Variants in ATF5 observed in about 807,000 individuals in gnomAD.
ATF5 encodes cyclic AMP-dependent transcription factor ATF-5.
Under a neutral mutation model 4.6 loss-of-function variants are expected in ATF5, and 6 were observed. That is an observed-to-expected ratio of 1.31 (90% confidence interval 0.72 to 2.59). The LOEUF (loss-of-function observed/expected upper bound fraction) is 2.59, where lower values mean the gene tolerates loss of function less well. ATF5 is among the 30% of genes most tolerant of loss of function. The probability of loss-of-function intolerance (pLI) is 0.00; values close to 1 mark genes in which losing one functional copy is unlikely to be tolerated. For missense variants in ATF5, 410 were observed against 368.7 expected (o/e 1.11, Z -0.92); for synonymous variants, 193 against 165.0 (o/e 1.17, Z -1.30).
rs141235467 is a variant in ATF5 at position 49,933,050 on chromosome 19, C to T, written c.807C>T (p.Ile269=). 154 of 1,605,722 alleles carry T rather than the reference C, an allele frequency of 9.6e-5. No individual in the cohort carries two copies. Among genetic ancestry groups the T allele is most frequent in the Non-Finnish European group, 1.2e-4 (141 of 1,173,498 alleles). ...TCCAGTACGTCAAGGACCTGCTCAT[C>T]GAGGTTTACAAGGCCCGGAGCCAGA... ...REIQYVKDLL[I]EVYKARSQRT... The change falls in exon 3 of 3, where the codon ATC becomes ATT. Residue 269 remains isoleucine (I), a synonymous_variant. Transcript: ENST00000423777.
At position 49,932,492 on chromosome 19, in the gene ATF5, A is replaced by AACCCCCCGC; in HGVS notation, c.249_250insACCCCCCGC (p.Leu83_Pro84insThrProArg). On this transcript the variant is annotated inframe_insertion, in exon 3 of 3. Coordinates refer to ENST00000423777, the MANE Select transcript of ATF5 (RefSeq NM_001193646.2). The stretch of plus-strand genomic sequence containing the variant: ...CTCTCCTCCCTCTGGAGCCTCCCTT[A>AACCCCCCGC]CCCCCCGGCACCCTCCCCCAACCTT... 1 of 1,486,506 alleles carries AACCCCCCGC rather than the reference A, an allele frequency of 6.7e-7. No homozygotes were observed. The highest frequency in any genetic ancestry group is 9.2e-7 in the Non-Finnish European group (1 of 1,092,142). The allele number at this position is 1,486,506 out of a possible 1,614,324, so 92.1% of individuals were successfully genotyped here. A position where few individuals can be genotyped will look rare whatever the true frequency, so the allele number is the denominator to read the frequency against.
chr19:49,933,413 C>T lies in ATF5; in HGVS notation c.*321C>T, dbSNP rs779564256. 1.9e-5 allele frequency: 5 copies of T among 257,768 alleles called. No homozygotes were observed. Among genetic ancestry groups the T allele is most frequent in the Non-Finnish European group, 7.3e-6 (1 of 136,764 alleles). The allele number at this position is 257,768 out of a possible 1,614,324, so 16.0% of individuals were successfully genotyped here. A position where few individuals can be genotyped will look rare whatever the true frequency, so the allele number is the denominator to read the frequency against. On this transcript the variant is annotated 3_prime_UTR_variant, in exon 3 of 3. Coordinates refer to ENST00000423777, the MANE Select transcript of ATF5 (RefSeq NM_001193646.2). ...CTCTTGCGTATTTCTGGATCTCCTTCCCTCCTTTCTCGTCCAAATCATGAA... is the reference window on the plus strand; with the variant it reads ...CTCTTGCGTATTTCTGGATCTCCTTTCCTCCTTTCTCGTCCAAATCATGAA...
In ATF5 at chr19:49,933,332, A is replaced by C; in HGVS notation, c.*240A>C. 7.1e-6 allele frequency: 3 copies of C among 424,566 alleles called. No individual in the cohort carries two copies. Among genetic ancestry groups the C allele is most frequent in the Non-Finnish European group, 4.2e-6 (1 of 240,306 alleles). The allele number at this position is 424,566 out of a possible 1,614,324, so 26.3% of individuals were successfully genotyped here. A position where few individuals can be genotyped will look rare whatever the true frequency, so the allele number is the denominator to read the frequency against. ...AAAATCAACCCTTCTTCCCCACCAA[A>C]CCACCCAACTCCTCTCTACTCTTAT... is the stretch of plus-strand genomic sequence containing the variant. On this transcript the variant is annotated 3_prime_UTR_variant, in exon 3 of 3. Transcript: ENST00000423777.
chr19:49,932,290 G>A, intron 2 of ATF5, 132 bp from the exon 3 acceptor site: 3 of 845,096 alleles, frequency 3.5e-6, no homozygotes, highest in Non-Finnish European at 6.0e-6. Flanking sequence ...TGACTGGTTT[G>A]ATGATTCAGT....
In ATF5 at chr19:49,932,581, A is replaced by T; in HGVS notation, c.338A>T (p.Glu113Val). 6.7e-7 allele frequency: 1 copy of T among 1,497,044 alleles called. No individual in the cohort carries two copies. The highest frequency in any genetic ancestry group is 9.0e-7 in the Non-Finnish European group (1 of 1,115,436). 92.7% of individuals were successfully genotyped at this position (1,497,044 alleles called of 1,614,324 possible). A position where few individuals can be genotyped will look rare whatever the true frequency, so the allele number is the denominator to read the frequency against. ...CTCAAGAAGGAGCTGGAACAGATGG[A>T]AGACTTCTTCCTAGATGCCCCGCCC... Reference protein sequence around the residue: ...SLLKKELEQMEDFFLDAPPLP... With the variant: ...SLLKKELEQMVDFFLDAPPLP... The change falls in exon 3 of 3, where the codon GAA (glutamate) becomes GTA (valine). Residue 113 changes from glutamate to valine, a missense_variant. Coordinates refer to ENST00000423777, the MANE Select transcript of ATF5 (RefSeq NM_001193646.2).
chr19:49,932,925 C>T lies in ATF5; in HGVS notation c.682C>T (p.Arg228Trp), dbSNP rs764616254. ...GTCGGCGGCTCTGAGGTACCGCCAG[C>T]GGAAGCGGGCAGAGGGTGAGGCCCT... ...NKSAALRYRQRKRAEGEALEG... is the reference protein window; with the variant it reads ...NKSAALRYRQWKRAEGEALEG... Residue 228 changes from arginine (R) to tryptophan (W), a missense_variant, in exon 3 of 3, where the codon CGG becomes TGG. By Grantham distance (101) the Arg-to-Trp change is moderately radical. Transcript: ENST00000423777. The T allele has an allele frequency of 2.5e-5, 40 of 1,613,816 alleles. No individual in the cohort carries two copies. The highest frequency in any genetic ancestry group is 3.1e-5 in the Non-Finnish European group (37 of 1,179,852).
In ATF5 at chr19:49,932,899, A is replaced by C; in HGVS notation, c.656A>C (p.Lys219Thr). The C allele has an allele frequency of 6.2e-7, 1 of 1,613,708 alleles. No homozygotes were observed. The change falls in exon 3 of 3, where the codon AAG becomes ACG. Residue 219 changes from lysine (K) to threonine (T), a missense_variant. Lys to Thr is a moderately conservative substitution (Grantham distance 78). Transcript: ENST00000423777. Reference sequence around the variant, plus strand: ...AAGCAAAAGAAGAGAGACCAGAACAAGTCGGCGGCTCTGAGGTACCGCCAG... The same window carrying C: ...AAGCAAAAGAAGAGAGACCAGAACACGTCGGCGGCTCTGAGGTACCGCCAG... ...DRKQKKRDQNKSAALRYRQRK... is the reference protein window; with the variant it reads ...DRKQKKRDQNTSAALRYRQRK...
At chr19:49,931,595 C>T (rs1191712118) in intron 2 of ATF5, among the ~76,000 whole-genome samples, 1 of 151,780 alleles carries the variant, frequency 6.6e-6, no homozygotes, top group Non-Finnish European at 1.5e-5. Context: ...TGCAGTGAGC[C>T]AAGATGATGC....
rs776573784 is a variant in ATF5 at position 49,932,966 on chromosome 19, G to A, written c.723G>A (p.Gln241=). Residue 241 remains glutamine, a synonymous_variant, in exon 3 of 3, where the codon CAG becomes CAA. Transcript: ENST00000423777. ...GTGAGGCCCTGGAGGGCGAGTGCCA[G>A]GGGCTGGAGGCACGGAATCGCGAGC... ...AEGEALEGEC[Q]GLEARNRELK... is the part of the protein sequence containing the mutation. 5 of 1,614,078 alleles carry A rather than the reference G, an allele frequency of 3.1e-6. No homozygotes were observed. In the Admixed American group the frequency reaches 6.7e-5, roughly 22 times the overall value.
Position 49,933,024 on chromosome 19 carries a change from A to T in ATF5, c.781A>T (p.Ile261Phe), listed in dbSNP as rs770362423. The T allele has an allele frequency of 1.2e-6, 2 of 1,613,614 alleles. No individual in the cohort carries two copies. The highest frequency in any genetic ancestry group is 2.2e-5 in the South Asian group (2 of 91,034). ...KERAESVERE[I>F]QYVKDLLIEV... is the part of the protein sequence containing the mutation. ...ACGGGCAGAGTCCGTGGAGCGCGAG[A>T]TCCAGTACGTCAAGGACCTGCTCAT... is the stretch of plus-strand genomic sequence containing the variant. Residue 261 changes from isoleucine to phenylalanine, a missense_variant, in exon 3 of 3, where the codon ATC (isoleucine) becomes TTC (phenylalanine). Coordinates refer to ENST00000423777, the MANE Select transcript of ATF5 (RefSeq NM_001193646.2).
Position 49,933,891 on chromosome 19 carries a change from T to C in ATF5, c.*799T>C, listed in dbSNP as rs2076091007. The C allele has an allele frequency of 6.5e-6, 1 of 152,730 alleles. No homozygotes were observed. The highest frequency in any genetic ancestry group is 1.5e-5 in the Non-Finnish European group (1 of 68,046). The allele number at this position is 152,730 out of a possible 1,614,324, so 9.5% of individuals were successfully genotyped here. On this transcript the variant is annotated 3_prime_UTR_variant, in exon 3 of 3. Transcript: ENST00000423777. Reference sequence around the variant, plus strand: ...GTGAGGGATGGCGGGGTACTGATTTTTTTGGGAGGTTATGAGCAAAAATAA... The same window carrying C: ...GTGAGGGATGGCGGGGTACTGATTTCTTTGGGAGGTTATGAGCAAAAATAA...
chr19:49,929,049 G>A (rs964617085), upstream of ATF5: 21 of 152,402 alleles, frequency 1.4e-4, no homozygotes, highest in African/African-American at 4.6e-4. Context: ...CGGACCCTAG[G>A]AGTGGGAAGG....
At chr19:49,931,751 A>T (rs1441891906) in intron 2 of ATF5, among the ~76,000 whole-genome samples, 1 of 152,098 alleles carries the variant, frequency 6.6e-6, no homozygotes, top group East Asian at 1.9e-4. Context: ...GGCAGGAATC[A>T]TTTCATTCAT....
chr19:49,932,680 C>A lies in ATF5; in HGVS notation c.437C>A (p.Pro146His), dbSNP rs1180032883. 6.4e-7 allele frequency: 1 copy of A among 1,573,470 alleles called. No individual in the cohort carries two copies. Among genetic ancestry groups the A allele is most frequent in the Non-Finnish European group, 8.6e-7 (1 of 1,158,392 alleles). ...GCCCCCTCCCTCCCCCTGTCCCTCC[C>A]CTCCTTTGACCTCCCCCAGCCCCCT... is the stretch of plus-strand genomic sequence containing the variant. The part of the protein sequence containing the change: ...PPAPSLPLSL[P>H]SFDLPQPPVL... The change falls in exon 3 of 3, where the codon CCC becomes CAC. Residue 146 changes from proline (P) to histidine (H), a missense_variant. Pro to His is a moderately conservative substitution (Grantham distance 77). Transcript: ENST00000423777.
chr19:49,932,870 C>G lies in ATF5; in HGVS notation c.627C>G (p.Asp209Glu), dbSNP rs771845805. The G allele has an allele frequency of 6.2e-7, 1 of 1,613,106 alleles. No homozygotes were observed. The highest frequency in any genetic ancestry group is 8.5e-7 in the Non-Finnish European group (1 of 1,179,648). Residue 209 changes from aspartate to glutamate, a missense_variant, in exon 3 of 3, where the codon GAC (aspartate) becomes GAG (glutamate). Transcript: ENST00000423777. The stretch of plus-strand genomic sequence containing the variant: ...CACATCCTGCCACCACCCGAGGGGA[C>G]CGCAAGCAAAAGAAGAGAGACCAGA... ...PYPHPATTRGDRKQKKRDQNK... is the reference protein window; with the variant it reads ...PYPHPATTRGERKQKKRDQNK...
In ATF5 at chr19:49,932,606, C is replaced by CCGA; in HGVS notation, c.364_365insGAC (p.Pro121_Leu122insArg). ...AAGACTTCTTCCTAGATGCCCCGCC[C>CCGA]CTCCCACCACCCTCCCCGCCGCCAC... On this transcript the variant is annotated inframe_insertion, in exon 3 of 3. Coordinates refer to ENST00000423777, the MANE Select transcript of ATF5 (RefSeq NM_001193646.2). 6.4e-7 allele frequency: 1 copy of CCGA among 1,555,984 alleles called. No homozygotes were observed. The highest frequency in any genetic ancestry group is 8.7e-7 in the Non-Finnish European group (1 of 1,149,404).
rs34877198 is a variant in ATF5 at position 49,932,741 on chromosome 19, C to T, written c.498C>T (p.Cys166=). The change falls in exon 3 of 3, where the codon TGC becomes TGT. Residue 166 remains cysteine (C), a synonymous_variant. Coordinates refer to ENST00000423777, the MANE Select transcript of ATF5 (RefSeq NM_001193646.2). ...LDTLDLLAIY[C]RNEAGQEEVG... ...CTCTGGACTTGCTGGCCATCTACTG[C>T]CGCAACGAGGCCGGGCAGGAGGAAG... 126,851 of 1,608,706 alleles carry T rather than the reference C, an allele frequency of 0.079. 5,361 individuals carry two copies. The highest frequency in any genetic ancestry group is 0.12 in the South Asian group (11,287 of 90,346).
Position 49,933,317 on chromosome 19 carries a change from C to T in ATF5, c.*225C>T. 2.2e-6 allele frequency: 1 copy of T among 450,948 alleles called. No homozygotes were observed. The highest frequency in any genetic ancestry group is 3.9e-6 in the Non-Finnish European group (1 of 257,444). The allele number at this position is 450,948 out of a possible 1,614,324, so 27.9% of individuals were successfully genotyped here. On this transcript the variant is annotated 3_prime_UTR_variant, in exon 3 of 3. Transcript: ENST00000423777. The stretch of plus-strand genomic sequence containing the variant: ...CTCTATTAAAAAAAAAAAATCAACC[C>T]TTCTTCCCCACCAAACCACCCAACT...
Position 49,933,048 on chromosome 19 carries a change from A to G in ATF5, c.805A>G (p.Ile269Val), listed in dbSNP as rs1212801620. The change falls in exon 3 of 3, where the codon ATC becomes GTC. Residue 269 changes from isoleucine (I) to valine (V), a missense_variant. Coordinates refer to ENST00000423777, the MANE Select transcript of ATF5 (RefSeq NM_001193646.2). ...GATCCAGTACGTCAAGGACCTGCTC[A>G]TCGAGGTTTACAAGGCCCGGAGCCA... is the stretch of plus-strand genomic sequence containing the variant. The part of the protein sequence containing the change: ...REIQYVKDLL[I>V]EVYKARSQRT... 4 of 1,606,346 alleles carry G rather than the reference A, an allele frequency of 2.5e-6. No individual in the cohort carries two copies. Among genetic ancestry groups the G allele is most frequent in the South Asian group, 2.2e-5 (2 of 90,792 alleles).
Sources: gnomAD v4.1 joint callset for allele counts (sites outside exome capture counted in the v4.1 genomes callset) on GRCh38, gnomAD v4.1.1 for gene constraint, MANE v1.5 for transcripts, NCBI Gene and HGNC (gene_info 2026-07-23, HGNC 2026-07-21) for gene names.